Variants in CDC23 observed in about 807,000 individuals in gnomAD.
CDC23 encodes the protein cell division cycle protein 23 homolog.
In CDC23, 26 loss-of-function variants were observed where a neutral mutation model predicts 81.7. That is an observed-to-expected ratio of 0.32 (90% confidence interval 0.23 to 0.44). The LOEUF (loss-of-function observed/expected upper bound fraction) is 0.44, where lower values mean the gene tolerates loss of function less well. Ranked by LOEUF, CDC23 falls within the 20% of genes least tolerant of loss-of-function variation. The pLI, the probability that CDC23 is intolerant of heterozygous loss-of-function variation, is 1.00. For missense variants in CDC23, 519 were observed against 728.0 expected, an observed-to-expected ratio of 0.71 and a Z score of 3.30; for synonymous variants, 267 against 270.8, an observed-to-expected ratio of 0.99 and a Z score of 0.14.
chr5:138,190,299 A>G (rs1408520023), intron 13 of CDC23, among the ~76,000 whole-genome samples: 1 of 151,868 alleles, frequency 6.6e-6, no homozygotes, highest in Non-Finnish European at 1.5e-5. Context: ...CTCTACTAAA[A>G]GTAGAAAAAT....
chr5:138,191,968 A>C (rs1561632908), intron 11 of CDC23, 31 bp from the exon 12 acceptor site: 1 of 1,583,584 alleles, frequency 6.3e-7, no homozygotes, highest in Non-Finnish European at 8.7e-7. Flanking sequence ...GTCTGAGCAA[A>C]GACTTTACAG....
intron 2 of CDC23, among the ~76,000 whole-genome samples, chr5:138,212,430 T>C (rs1755123852): frequency 6.6e-6 from 1 of 152,214 alleles, no homozygotes; most frequent in Non-Finnish European, 1.5e-5. Context: ...GCGATTCTCC[T>C]GTCTCAGCCT....
rs1232245740 is a variant in CDC23 at position 138,192,528 on chromosome 5, G to T, written c.1142C>A (p.Thr381Lys). ...MGHEYMEMKN[T>K]SAAIQAYRHA... ...CCTATAAGCCTGGATAGCAGCAGACGTGTTCTTCATCTCCATGTACTCATG... is the reference window on the plus strand; with the variant it reads ...CCTATAAGCCTGGATAGCAGCAGACTTGTTCTTCATCTCCATGTACTCATG... Residue 381 changes from threonine (T) to lysine (K), a missense_variant, in exon 10 of 16, where the codon ACG (threonine) becomes AAG (lysine). Thr to Lys is a moderately conservative substitution (Grantham distance 78). Transcript: ENST00000394886. 6.2e-7 allele frequency: 1 copy of T among 1,614,046 alleles called. No homozygotes were observed. Among genetic ancestry groups the T allele is most frequent in the Admixed American group, 1.7e-5 (1 of 59,990 alleles).
rs1213255355 is a variant in CDC23, at chr5:138,188,053, C to T, written c.*925G>A. ...CAGGCCTGAAACTCTCCAAGAGCACCATAAGAATGATTCCCTTTACCTCAT... is the reference window on the plus strand; with the variant it reads ...CAGGCCTGAAACTCTCCAAGAGCACTATAAGAATGATTCCCTTTACCTCAT... On this transcript the variant is annotated 3_prime_UTR_variant, in exon 16 of 16. Transcript: ENST00000394886. 2 of 152,134 alleles carry T rather than the reference C, an allele frequency of 1.3e-5. No individual in the cohort carries two copies. Among genetic ancestry groups the T allele is most frequent in the South Asian group, 2.1e-4 (1 of 4,808 alleles). 9.4% of individuals were successfully genotyped at this position (152,134 alleles called of 1,614,324 possible). A position where few individuals can be genotyped will look rare whatever the true frequency, so the allele number is the denominator to read the frequency against.
intron 3 of CDC23, among the ~76,000 whole-genome samples, chr5:138,202,773 G>A (rs185052735): frequency 2.1e-3 from 319 of 152,298 alleles, no homozygotes; most frequent in Non-Finnish European, 3.3e-3. Context: ...AATGCCAAGC[G>A]TTGAGTAGTA....
At chr5:138,210,913 G>C (rs1755105643) in intron 2 of CDC23, among the ~76,000 whole-genome samples, 1 of 152,140 alleles carries the variant, frequency 6.6e-6, no homozygotes, top group Admixed American at 6.5e-5. Context: ...ATACACTGTT[G>C]ATGGAACTGT....
chr5:138,208,054 T>C lies in CDC23; in HGVS notation c.235-1370A>G, dbSNP rs541187601. On this transcript the variant is annotated intron_variant, in intron 2 of 15. Transcript: ENST00000394886. ...TTGGCTGACTGTAACCTCCACCTTC[T>C]AGGTTCAAGCAATTCTCCTGCCTCG... Among the ~76,000 whole-genome samples, 14 of 151,984 alleles carry C rather than the reference T, an allele frequency of 9.2e-5. No individual in the cohort carries two copies. In the East Asian group the frequency reaches 2.5e-3, roughly 27 times the overall value.
chr5:138,192,116 A>T, intron 11 of CDC23, 153 bp downstream of exon 11: 1 of 999,864 alleles, frequency 1.0e-6, no homozygotes. Flanking sequence ...GAAATATACT[A>T]AATGAAAATA....
intron 6 of CDC23, among the ~76,000 whole-genome samples, chr5:138,199,722 TC>T (rs1297015510): frequency 1.3e-5 from 2 of 152,224 alleles, no homozygotes; most frequent in Non-Finnish European, 2.9e-5. Context: ...CTAGTAAAAG[TC>T]TATCAAGTTG....
At chr5:138,206,159 A>G (rs1410262789) in intron 3 of CDC23, 1 of 280,190 alleles carries the variant, frequency 3.6e-6, no homozygotes, top group Non-Finnish European at 6.6e-6. Context: ...ATTGTCCTTT[A>G]CAGTCATACT....
chr5:138,189,530 A>C (rs1305911968), intron 15 of CDC23, 103 bp downstream of exon 15: 4 of 1,139,886 alleles, frequency 3.5e-6, no homozygotes, highest in Non-Finnish European at 3.8e-6. Context: ...AAGTGTTGGG[A>C]TTATAGGTGT....
At chr5:138,193,505 A>G (rs1754848609) in intron 9 of CDC23, among the ~76,000 whole-genome samples, 1 of 152,148 alleles carries the variant, frequency 6.6e-6, no homozygotes, top group Admixed American at 6.5e-5. Flanking sequence ...CTGAGGCAGG[A>G]GAATCGCTTG....
At chr5:138,204,971 G>C (rs1470115533) in intron 3 of CDC23, among the ~76,000 whole-genome samples, 1 of 151,410 alleles carries the variant, frequency 6.6e-6, no homozygotes, top group Non-Finnish European at 1.5e-5. Context: ...CTGGAGTATA[G>C]TGGTACAATC....
At chr5:138,196,890 CT>C (rs34002952) in intron 9 of CDC23, among the ~76,000 whole-genome samples, 4,032 of 113,412 alleles carry the variant, frequency 0.036, 91 homozygotes, top group Non-Finnish European at 0.055. Context: ...TTTTTTTTTC[CT>C]TTTTTTTTTT....
intron 13 of CDC23, among the ~76,000 whole-genome samples, chr5:138,190,451 C>CT (rs1159725262): frequency 1.5e-5 from 2 of 135,954 alleles, no homozygotes; most frequent in African/African-American, 5.5e-5. Context: ...GAATGAGACT[C>CT]TGACTCCAAA....
At position 138,206,700 on chromosome 5, in the gene CDC23, G is replaced by A; in HGVS notation, c.235-16C>T. The A allele has an allele frequency of 6.2e-7, 1 of 1,604,296 alleles. No individual in the cohort carries two copies. The highest frequency in any genetic ancestry group is 8.5e-7 in the Non-Finnish European group (1 of 1,175,274). ...GGGCATCTTCCTAAAAAAGAAACAA[G>A]CTTATGTAAGTGGTTGGGAATAGGA... On this transcript the variant is annotated splice_polypyrimidine_tract_variant and intron_variant, in intron 2 of 15. Transcript: ENST00000394886.
At position 138,213,039 on chromosome 5, in the gene CDC23, G is replaced by C. The variant is rs139877114; in HGVS notation, c.186C>G (p.Leu62=). Residue 62 remains leucine (L), a synonymous_variant, in exon 2 of 16, where the codon CTC becomes CTG. Coordinates refer to ENST00000394886, the MANE Select transcript of CDC23 (RefSeq NM_004661.4). ...GCAGCTCGGCCAGAGGCAATGCAGGGAGAGAGAAAGCCAACTCCGCCGACC... is the reference window on the plus strand; with the variant it reads ...GCAGCTCGGCCAGAGGCAATGCAGGCAGAGAGAAAGCCAACTCCGCCGACC... The part of the protein sequence containing the change: ...SKWSAELAFS[L]PALPLAELQP... 5 of 1,613,802 alleles carry C rather than the reference G, an allele frequency of 3.1e-6. No homozygotes were observed. Among genetic ancestry groups the C allele is most frequent in the Non-Finnish European group, 4.2e-6 (5 of 1,179,932 alleles).
In CDC23 at chr5:138,188,901, C is replaced by A; in HGVS notation, c.*77G>T. On this transcript the variant is annotated 3_prime_UTR_variant, in exon 16 of 16. Transcript: ENST00000394886. ...ACAAGAAGAGCTGAGGTCCTTGGAA[C>A]AGACGTGCTGTTCTTTACATGGAGG... is the stretch of plus-strand genomic sequence containing the variant. 1 of 1,421,608 alleles carries A rather than the reference C, an allele frequency of 7.0e-7. No individual in the cohort carries two copies. Among genetic ancestry groups the A allele is most frequent in the Non-Finnish European group, 9.6e-7 (1 of 1,044,364 alleles). The allele number at this position is 1,421,608 out of a possible 1,614,324, so 88.1% of individuals were successfully genotyped here. A position where few individuals can be genotyped will look rare whatever the true frequency, so the allele number is the denominator to read the frequency against.
At position 138,188,477 on chromosome 5, in the gene CDC23, C is replaced by T. The variant is rs17234954; in HGVS notation, c.*501G>A. On this transcript the variant is annotated 3_prime_UTR_variant, in exon 16 of 16. Transcript: ENST00000394886. ...AATGGATAGCTCTATTCCATTTAAA[C>T]CTAATCTCTGACATCAGAATAGGGA... 6.6e-6 allele frequency: 1 copy of T among 152,350 alleles called. No individual in the cohort carries two copies. The highest frequency in any genetic ancestry group is 6.5e-5 in the Admixed American group (1 of 15,276). The allele number at this position is 152,350 out of a possible 1,614,324, so 9.4% of individuals were successfully genotyped here.
Sources: gnomAD v4.1 joint callset for allele counts (sites outside exome capture counted in the v4.1 genomes callset) on GRCh38, gnomAD v4.1.1 for gene constraint, MANE v1.5 for transcripts, NCBI Gene and HGNC (gene_info 2026-07-23, HGNC 2026-07-21) for gene names.